Variants in SNX29 observed in about 807,000 individuals in gnomAD.
SNX29 encodes sorting nexin-29.
A neutral mutation model predicts 102.1 loss-of-function variants in SNX29; 78 were observed. That is an observed-to-expected ratio of 0.76 (90% CI 0.64 to 0.92). The LOEUF (loss-of-function observed/expected upper bound fraction) is 0.92, where lower values mean the gene tolerates loss of function less well. SNX29 is among the 40% of genes least tolerant of loss of function. SNX29 has a pLI of 0.00. For missense variants in SNX29, 1,280 were observed against 1,061.7 expected (o/e 1.21, Z -2.86); for synonymous variants, 580 against 414.5 (o/e 1.40, Z -4.85).
chr16:12,056,956 G>C (rs2050546342), intron 8 of SNX29, among the ~76,000 whole-genome samples: 1 of 128,508 alleles, frequency 7.8e-6, no homozygotes, highest in Non-Finnish European at 1.9e-5. Flanking sequence ...TGAGTAGCTA[G>C]GACTATAGGT....
At chr16:12,357,672 G>A (rs958133485) in intron 16 of SNX29, among the ~76,000 whole-genome samples, 1 of 152,108 alleles carries the variant, frequency 6.6e-6, no homozygotes, top group East Asian at 1.9e-4. Flanking sequence ...GACTGAAGCT[G>A]TCCCCTTTAA....
chr16:12,568,453 G>A, intron 20 of SNX29, 53 bp from the exon 21 acceptor site: 5 of 1,600,272 alleles, frequency 3.1e-6, no homozygotes, highest in South Asian at 2.2e-5. Context: ...CTGGCCTGTG[G>A]TCATTTGCTT....
At chr16:12,090,969 C>G (rs1291810255) in intron 11 of SNX29, among the ~76,000 whole-genome samples, 3 of 120,622 alleles carry the variant, frequency 2.5e-5, no homozygotes. Context: ...GAGACAAGAT[C>G]ACACCACTGC....
chr16:12,332,223 G>A (rs577416436), intron 15 of SNX29, among the ~76,000 whole-genome samples: 1 of 152,244 alleles, frequency 6.6e-6, no homozygotes, highest in African/African-American at 2.4e-5. Context: ...GTGTGCGTGC[G>A]GTGTGTGCAC....
intron 16 of SNX29, 105 bp from the exon 17 acceptor site, chr16:12,398,341 G>A: frequency 8.1e-7 from 1 of 1,241,588 alleles, no homozygotes; most frequent in East Asian, 2.3e-5. Flanking sequence ...ATTCTGAATA[G>A]GAAATGTTCA....
chr16:12,051,768 C>A, intron 7 of SNX29, 79 bp from the exon 8 acceptor site: 1 of 1,554,510 alleles, frequency 6.4e-7, no homozygotes, highest in Non-Finnish European at 8.7e-7. Flanking sequence ...TTTCCATAAC[C>A]TGGAGGTGAG....
chr16:12,266,433 G>T (rs2078930936), intron 14 of SNX29, among the ~76,000 whole-genome samples: 1 of 152,164 alleles, frequency 6.6e-6, no homozygotes, highest in African/African-American at 2.4e-5. Flanking sequence ...GTTGTCACCT[G>T]TGCTTCCAAC....
chr16:12,428,592 A>G (rs1778634585), intron 18 of SNX29, among the ~76,000 whole-genome samples: 1 of 152,212 alleles, frequency 6.6e-6, no homozygotes, highest in South Asian at 2.1e-4. Context: ...AGTTAGTCCC[A>G]ATACATAGAT....
intron 11 of SNX29, chr16:12,081,727 AT>A (rs2051905790): frequency 6.5e-6 from 1 of 153,346 alleles, no homozygotes; most frequent in Non-Finnish European, 1.4e-5. Context: ...AAAAGCTAAA[AT>A]AAAAATTTCG....
chr16:12,521,014 G>C (rs1641832), intron 19 of SNX29, among the ~76,000 whole-genome samples: 151,106 of 152,204 alleles, frequency 0.99, 75,016 homozygotes, highest in Middle Eastern at 1. Flanking sequence ...GTCGTCACTA[G>C]TAAAAATACA....
chr16:12,132,247 C>T (rs558398695), intron 13 of SNX29, among the ~76,000 whole-genome samples: 6 of 152,088 alleles, frequency 3.9e-5, no homozygotes, highest in African/African-American at 1.2e-4. Context: ...TACAGGTGCC[C>T]GCCACTATGC....
intron 20 of SNX29, among the ~76,000 whole-genome samples, chr16:12,560,597 A>G (rs2078669290): frequency 6.6e-6 from 1 of 152,072 alleles, no homozygotes; most frequent in Admixed American, 6.5e-5. Flanking sequence ...TACCTCTCAT[A>G]AAGCAGCAAG....
At chr16:12,300,360 A>C (rs2080128855) in intron 15 of SNX29, among the ~76,000 whole-genome samples, 1 of 152,130 alleles carries the variant, frequency 6.6e-6, no homozygotes, top group Non-Finnish European at 1.5e-5. Flanking sequence ...AATGCCTTGG[A>C]GACAGCGCTC....
At chr16:12,019,591 T>TATATATAG (rs1555520334) in intron 3 of SNX29, among the ~76,000 whole-genome samples, 6 of 142,766 alleles carry the variant, frequency 4.2e-5, no homozygotes, top group South Asian at 4.4e-4. Context: ...AATATATATA[T>TATATATAG]ATAGATAGAT....
At chr16:12,243,192 C>A (rs545536401) in intron 14 of SNX29, among the ~76,000 whole-genome samples, 2 of 152,344 alleles carry the variant, frequency 1.3e-5, no homozygotes, top group African/African-American at 4.8e-5. Flanking sequence ...CCGATTCGTG[C>A]ATGTAGTTGA....
chr16:12,566,193 A>T (rs907211464), intron 20 of SNX29, among the ~76,000 whole-genome samples: 38 of 152,284 alleles, frequency 2.5e-4, no homozygotes, highest in Admixed American at 1.1e-3. Flanking sequence ...TTGAATCCTT[A>T]CCACCACAGT....
chr16:12,444,526 T>C (rs2085959188), intron 18 of SNX29, among the ~76,000 whole-genome samples: 1 of 152,246 alleles, frequency 6.6e-6, no homozygotes, highest in Admixed American at 6.5e-5. Flanking sequence ...ATGTTGACTT[T>C]TCTTCTTTGC....
chr16:12,431,926 G>A (rs74951315), intron 18 of SNX29, among the ~76,000 whole-genome samples: 13,202 of 152,244 alleles, frequency 0.087, 716 homozygotes, highest in Middle Eastern at 0.18. Context: ...AAAGACTTAC[G>A]GGGAACCTTC....
intron 18 of SNX29, among the ~76,000 whole-genome samples, chr16:12,425,539 AAAAAAT>A (rs1325541107): frequency 1.3e-5 from 1 of 78,934 alleles, no homozygotes; most frequent in Non-Finnish European, 3.8e-5. Flanking sequence ...TAAAAAAAAA[AAAAAAT>A]AAAAAAAATA....
Sources: allele counts gnomAD v4.1 joint callset (sites outside exome capture counted in the v4.1 genomes callset), GRCh38; gene constraint gnomAD v4.1.1; transcripts MANE v1.5; gene names NCBI Gene and HGNC (gene_info 2026-07-23, HGNC 2026-07-21).